The following CLDN10 variants were observed in gnomAD, a reference collection of about 807,000 sequenced individuals.
The protein encoded by CLDN10 is claudin-10.
In CLDN10, 15 loss-of-function variants were observed where a neutral mutation model predicts 22.9. The observed-to-expected ratio is 0.65, with a 90% CI of 0.44 to 1.01. The LOEUF (loss-of-function observed/expected upper bound fraction) is 1.01. CLDN10 is among the 50% of genes least tolerant of loss of function. The pLI, the probability that CLDN10 is intolerant of heterozygous loss-of-function variation, is 0.00. For synonymous variants in CLDN10, 114 were observed against 111.4 expected, an observed-to-expected ratio of 1.02 and a Z score of -0.15; for missense variants, 247 against 287.8, an observed-to-expected ratio of 0.86 and a Z score of 1.03.
At chr13:95,447,571 T>C (rs1223113206) in intron 1 of CLDN10, among the ~76,000 whole-genome samples, 1 of 152,168 alleles carries the variant, frequency 6.6e-6, no homozygotes, top group African/African-American at 2.4e-5. Context: ...CTAAACATTA[T>C]GTTCTGGACG....
chr13:95,566,614 T>C (rs1301375313), intron 3 of CLDN10, among the ~76,000 whole-genome samples: 1 of 152,244 alleles, frequency 6.6e-6, no homozygotes, highest in Non-Finnish European at 1.5e-5. Context: ...GTGCAGAAGC[T>C]CTTTAGTTTA....
chr13:95,522,864 A>C (rs1170322440), intron 1 of CLDN10, among the ~76,000 whole-genome samples: 2 of 151,962 alleles, frequency 1.3e-5, no homozygotes, highest in Admixed American at 6.5e-5. Flanking sequence ...ATATTAATAG[A>C]CATCAGTCTT....
intron 1 of CLDN10, among the ~76,000 whole-genome samples, chr13:95,516,977 TCCTTCCTTCCTTC>T (rs2043174047): frequency 1.5e-4 from 1 of 6,554 alleles, no homozygotes; most frequent in Non-Finnish European, 8.3e-4. Flanking sequence ...TCTCCTTCCT[TCCTTCCTTCCTTC>T]CTTCCTTCCT....
intron 1 of CLDN10, among the ~76,000 whole-genome samples, chr13:95,523,618 C>T (rs908455182): frequency 3.9e-5 from 6 of 151,994 alleles, no homozygotes; most frequent in Non-Finnish European, 8.8e-5. Context: ...ATGCGTTCTT[C>T]TTTTTTAGAG....
At chr13:95,576,915 T>C (rs2043937934) in intron 3 of CLDN10, among the ~76,000 whole-genome samples, 1 of 152,214 alleles carries the variant, frequency 6.6e-6, no homozygotes, top group Non-Finnish European at 1.5e-5. Flanking sequence ...GATGGAAAGC[T>C]TGGCAAGGTT....
intron 1 of CLDN10, among the ~76,000 whole-genome samples, chr13:95,481,457 T>G (rs182770979): frequency 1.7e-3 from 255 of 152,304 alleles, no homozygotes; most frequent in African/African-American, 6.0e-3. Context: ...CTGGTGAGGC[T>G]GGTCTTCAGA....
intron 1 of CLDN10, among the ~76,000 whole-genome samples, chr13:95,511,595 G>A (rs1449018577): frequency 2.0e-5 from 3 of 151,230 alleles, no homozygotes; most frequent in Admixed American, 6.6e-5. Flanking sequence ...GATAAAAGTA[G>A]GAAAAGTCAT....
At chr13:95,506,015 C>T (rs2043034791) in intron 1 of CLDN10, among the ~76,000 whole-genome samples, 1 of 152,196 alleles carries the variant, frequency 6.6e-6, no homozygotes, top group Non-Finnish European at 1.5e-5. Flanking sequence ...GCTGGGATTA[C>T]AGGCGTGAGC....
chr13:95,491,193 G>A (rs4402421), intron 1 of CLDN10, among the ~76,000 whole-genome samples: 50,192 of 151,772 alleles, frequency 0.33, 9,629 homozygotes, highest in Non-Finnish European at 0.41. Context: ...GTTGGTTGGT[G>A]AGTTCTTATC....
intron 1 of CLDN10, among the ~76,000 whole-genome samples, chr13:95,521,539 A>G (rs1316491735): frequency 6.6e-6 from 1 of 152,158 alleles, no homozygotes; most frequent in Non-Finnish European, 1.5e-5. Context: ...AACCAGCCTG[A>G]TAATTATGTT....
intron 1 of CLDN10, among the ~76,000 whole-genome samples, chr13:95,534,655 GA>G (rs1358505344): frequency 1.3e-5 from 2 of 152,094 alleles, no homozygotes; most frequent in African/African-American, 2.4e-5. Context: ...GTATTACCAG[GA>G]AACCTCTAAG....
At chr13:95,475,092 A>T (rs1411374996) in intron 1 of CLDN10, among the ~76,000 whole-genome samples, 1 of 152,158 alleles carries the variant, frequency 6.6e-6, no homozygotes, top group Non-Finnish European at 1.5e-5. Flanking sequence ...CTGGTGCCAC[A>T]CAGAGGAGGA....
At chr13:95,475,819 TC>T (rs1385998052) in intron 1 of CLDN10, among the ~76,000 whole-genome samples, 2 of 151,910 alleles carry the variant, frequency 1.3e-5, no homozygotes, top group Non-Finnish European at 2.9e-5. Flanking sequence ...TCTCTGTCCC[TC>T]TCTCTCCCTC....
chr13:95,567,656 A>C (rs1429760373), intron 3 of CLDN10, among the ~76,000 whole-genome samples: 1 of 152,122 alleles, frequency 6.6e-6, no homozygotes, highest in African/African-American at 2.4e-5. Flanking sequence ...TTCCAACACT[A>C]TGTTGAATAG....
chr13:95,555,297 C>CT (rs2043622534), intron 1 of CLDN10, among the ~76,000 whole-genome samples: 1 of 152,230 alleles, frequency 6.6e-6, no homozygotes, highest in Non-Finnish European at 1.5e-5. Context: ...ATCCACCCTC[C>CT]TCGGCCTCCC....
At chr13:95,480,121 G>T (rs533454220) in intron 1 of CLDN10, among the ~76,000 whole-genome samples, 32 of 152,276 alleles carry the variant, frequency 2.1e-4, no homozygotes, top group African/African-American at 7.7e-4. Flanking sequence ...TTGTGCGGGG[G>T]AGCTCCTTCT....
At chr13:95,552,652 G>A (rs2043579438), upstream of CLDN10, 8 of 1,374,828 alleles carry the variant, frequency 5.8e-6, no homozygotes, top group South Asian at 9.3e-5. Flanking sequence ...GGCGGGGACG[G>A]TGGGCGGAGG....
chr13:95,487,832 G>A (rs886374263), intron 1 of CLDN10, among the ~76,000 whole-genome samples: 3 of 151,688 alleles, frequency 2.0e-5, no homozygotes, highest in Admixed American at 6.6e-5. Context: ...ACACCACCAT[G>A]CCTGGCTAAT....
At chr13:95,488,372 AT>A (rs368876085) in intron 1 of CLDN10, among the ~76,000 whole-genome samples, 4,467 of 151,498 alleles carry the variant, frequency 0.029, 97 homozygotes, top group Middle Eastern at 0.071. Context: ...TTTTTTAACA[AT>A]TTTTTTTCCA....
Sources: allele counts gnomAD v4.1 joint callset (sites outside exome capture counted in the v4.1 genomes callset), GRCh38; gene constraint gnomAD v4.1.1; transcripts MANE v1.5; gene names NCBI Gene and HGNC (gene_info 2026-07-23, HGNC 2026-07-21).